Variants in PREX2 observed in about 807,000 individuals in gnomAD.
PREX2 encodes the protein phosphatidylinositol-3,4,5-trisphosphate dependent Rac exchange factor 2.
Under a neutral mutation model 203.2 loss-of-function variants are expected in PREX2, and 107 were observed. That is an observed-to-expected ratio of 0.53 (90% CI 0.45 to 0.62). The LOEUF (loss-of-function observed/expected upper bound fraction) is 0.62. PREX2 is among the 20% of genes least tolerant of loss of function. The pLI is 0.00. For synonymous variants in PREX2, 672 were observed against 663.6 expected (o/e 1.01, Z -0.19); for missense variants, 1,777 against 1,955.9 (o/e 0.91, Z 1.72).
chr8:68,021,620 G>A (rs1466635648), intron 3 of PREX2, among the ~76,000 whole-genome samples: 6 of 152,104 alleles, frequency 3.9e-5, no homozygotes, highest in African/African-American at 1.4e-4. Flanking sequence ...TAGGAATCAT[G>A]GATTCATATA....
intron 11 of PREX2, among the ~76,000 whole-genome samples, chr8:68,068,044 A>G (rs1308453560): frequency 6.6e-6 from 1 of 151,996 alleles, no homozygotes; most frequent in Non-Finnish European, 1.5e-5. Context: ...AACCACCCTT[A>G]GTTCTCAAGG....
chr8:68,199,493 T>C (rs966294395), intron 37 of PREX2, among the ~76,000 whole-genome samples: 1 of 152,198 alleles, frequency 6.6e-6, no homozygotes, highest in Non-Finnish European at 1.5e-5. Context: ...CAGAAACTAA[T>C]GTAAACTGTC....
chr8:67,963,244 A>G (rs916638179), intron 1 of PREX2, among the ~76,000 whole-genome samples: 2 of 152,082 alleles, frequency 1.3e-5, no homozygotes, highest in Non-Finnish European at 2.9e-5. Context: ...GGCTGGTATG[A>G]GGATGTGATG....
At chr8:68,158,315 A>C (rs1811587163) in intron 35 of PREX2, among the ~76,000 whole-genome samples, 1 of 151,992 alleles carries the variant, frequency 6.6e-6, no homozygotes, top group African/African-American at 2.4e-5. Flanking sequence ...TACTATTTTG[A>C]CATTTTTAAT....
chr8:68,202,857 G>A (rs1812534734), intron 37 of PREX2, among the ~76,000 whole-genome samples: 1 of 152,150 alleles, frequency 6.6e-6, no homozygotes, highest in African/African-American at 2.4e-5. Flanking sequence ...CCAGTAGTGT[G>A]GCTCAGTGCA....
At chr8:68,071,276 A>G (rs1034723016) in intron 13 of PREX2, among the ~76,000 whole-genome samples, 34 of 152,286 alleles carry the variant, frequency 2.2e-4, no homozygotes, top group Non-Finnish European at 4.4e-4. Context: ...AAACAGAAGG[A>G]ATGTATGATA....
chr8:68,080,983 C>A, intron 17 of PREX2, 145 bp downstream of exon 17: 1 of 638,578 alleles, frequency 1.6e-6, no homozygotes, highest in Non-Finnish European at 2.8e-6. Context: ...ATCTTACTCA[C>A]AGGTTCTACT....
At chr8:68,073,217 C>A (rs1809250448) in intron 14 of PREX2, among the ~76,000 whole-genome samples, 2 of 149,766 alleles carry the variant, frequency 1.3e-5, no homozygotes, top group Admixed American at 6.7e-5. Flanking sequence ...TTTTATCATA[C>A]TAGATCAACT....
intron 4 of PREX2, among the ~76,000 whole-genome samples, chr8:68,024,007 T>C (rs1807642997): frequency 6.6e-6 from 1 of 152,062 alleles, no homozygotes; most frequent in Non-Finnish European, 1.5e-5. Flanking sequence ...TAGTGTTGAA[T>C]AAAAGTGGTA....
chr8:67,997,887 G>A (rs79716415), intron 1 of PREX2, among the ~76,000 whole-genome samples: 23 of 151,964 alleles, frequency 1.5e-4, no homozygotes, highest in East Asian at 9.6e-4. Context: ...ATCCATGAAC[G>A]TGGTAGCTCT....
At chr8:67,981,777 CT>C (rs1806280392) in intron 1 of PREX2, among the ~76,000 whole-genome samples, 2 of 152,182 alleles carry the variant, frequency 1.3e-5, no homozygotes, top group Admixed American at 6.5e-5. Flanking sequence ...GCTGCATGCA[CT>C]TAGGAGCTCT....
chr8:68,080,770 G>A lies in PREX2; in HGVS notation c.1810G>A (p.Gly604Ser). The change falls in exon 17 of 40, where the codon GGC (glycine) becomes AGC (serine). Residue 604 changes from glycine (G) to serine (S), a missense_variant. Coordinates refer to ENST00000288368, the MANE Select transcript of PREX2 (RefSeq NM_024870.4). ...LLIKSNEGSYGFGLEDKNKVP... is the reference protein window; with the variant it reads ...LLIKSNEGSYSFGLEDKNKVP... ...GATTAAATCCAATGAAGGCAGCTATGGCTTTGGATTAGAAGACAAAAATAA... is the reference window on the plus strand; with the variant it reads ...GATTAAATCCAATGAAGGCAGCTATAGCTTTGGATTAGAAGACAAAAATAA... 2.5e-6 allele frequency: 4 copies of A among 1,572,472 alleles called. No individual in the cohort carries two copies. The highest frequency in any genetic ancestry group is 3.5e-6 in the Non-Finnish European group (4 of 1,148,964).
chr8:67,956,419 C>T (rs989362272), intron 1 of PREX2, among the ~76,000 whole-genome samples: 16 of 152,294 alleles, frequency 1.1e-4, no homozygotes, highest in African/African-American at 3.6e-4. Flanking sequence ...CTGCTATTGC[C>T]ATCTTGAAAT....
chr8:68,228,211 T>G (rs11987049), intron 39 of PREX2, among the ~76,000 whole-genome samples: 9,079 of 152,224 alleles, frequency 0.06, 311 homozygotes, highest in Admixed American at 0.076. Context: ...TCCAGCACAC[T>G]GGCTTTATTC....
chr8:68,215,978 T>C (rs146015571), intron 37 of PREX2, among the ~76,000 whole-genome samples: 12 of 152,330 alleles, frequency 7.9e-5, no homozygotes, highest in African/African-American at 2.9e-4. Context: ...GAACATCATG[T>C]ACAACTAGAA....
chr8:68,138,338 T>C, intron 32 of PREX2, 77 bp from the exon 33 acceptor site: 1 of 724,204 alleles, frequency 1.4e-6, no homozygotes, highest in Non-Finnish European at 2.1e-6. Context: ...TGTTTTGGTC[T>C]GAATTTACAT....
chr8:68,035,286 A>G (rs1807996921), intron 6 of PREX2, among the ~76,000 whole-genome samples: 1 of 152,098 alleles, frequency 6.6e-6, no homozygotes, highest in African/African-American at 2.4e-5. Flanking sequence ...GACTCCTTTG[A>G]TATCAAAACT....
At chr8:68,096,109 A>G (rs1810064855) in intron 21 of PREX2, among the ~76,000 whole-genome samples, 1 of 152,206 alleles carries the variant, frequency 6.6e-6, no homozygotes, top group Non-Finnish European at 1.5e-5. Context: ...TTATGGTAAT[A>G]CATAATATTT....
rs116731444 is a variant in PREX2 at position 68,045,918 on chromosome 8, T to C, written c.943+1328T>C. 1.6e-3 allele frequency among the ~76,000 whole-genome samples: 237 copies of C among 151,934 alleles called. 1 individual carries two copies. The highest frequency in any genetic ancestry group is 5.5e-3 in the African/African-American group (229 of 41,306). ...TCTAAGAAGACTATATAGTGACATT[T>C]AGAAATGTTATCTAACATGCTAAGA... is the stretch of plus-strand genomic sequence containing the variant. On this transcript the variant is annotated intron_variant, in intron 8 of 39. Transcript: ENST00000288368.
Sources: gnomAD v4.1 joint callset for allele counts (sites outside exome capture counted in the v4.1 genomes callset) on GRCh38, gnomAD v4.1.1 for gene constraint, MANE v1.5 for transcripts, NCBI Gene and HGNC (gene_info 2026-07-23, HGNC 2026-07-21) for gene names.